Variants in ADGRG7 observed in about 807,000 individuals in gnomAD.
The protein encoded by ADGRG7 is G-protein coupled receptor 128.
A neutral mutation model predicts 88.6 loss-of-function variants in ADGRG7; 82 were observed. The observed-to-expected ratio is 0.93, with a 90% CI of 0.77 to 1.11. The LOEUF is 1.11. Ranked by LOEUF, ADGRG7 falls within the 50% of genes most tolerant of loss-of-function variation. The pLI is 0.00. For missense variants in ADGRG7, 945 were observed against 953.4 expected (o/e 0.99, Z 0.12); for synonymous variants, 381 against 345.2 (o/e 1.10, Z -1.15).
chr3:100,644,036 A>G (rs1489287751), intron 8 of ADGRG7, among the ~76,000 whole-genome samples: 1 of 152,168 alleles, frequency 6.6e-6, no homozygotes, highest in African/African-American at 2.4e-5. Flanking sequence ...AACCCTGGAG[A>G]AGTCTATGTA....
chr3:100,611,517 G>T (rs1707155025), intron 1 of ADGRG7, among the ~76,000 whole-genome samples: 1 of 152,084 alleles, frequency 6.6e-6, no homozygotes, highest in Admixed American at 6.5e-5. Flanking sequence ...GGCTTGGGGG[G>T]AGTTGCTGAA....
rs370196063 is a variant in ADGRG7 at position 100,670,406 on chromosome 3, G to A, written c.2136+1301G>A. ...TGTACTGCATTATCTTTATCCATTC[G>A]TCTGTTGATGGATACTTACTTTGCT... is the stretch of plus-strand genomic sequence containing the variant. On this transcript the variant is annotated intron_variant, in intron 15 of 15. Transcript: ENST00000273352. Among the ~76,000 whole-genome samples, 15 of 152,076 alleles carry A rather than the reference G, an allele frequency of 9.9e-5. 1 individual carries two copies. In the South Asian group the frequency reaches 1.0e-3, roughly 11 times the overall value.
Position 100,656,007 on chromosome 3 carries a change from T to C in ADGRG7, c.1823+12T>C. On this transcript the variant is annotated intron_variant, in intron 13 of 15. Coordinates refer to ENST00000273352, the MANE Select transcript of ADGRG7 (RefSeq NM_032787.3). ...CGGCAAGAGAAAATGTGAGTTTATATTTTTTTAAATGTCCAATTGTTTGAC... is the reference window on the plus strand; with the variant it reads ...CGGCAAGAGAAAATGTGAGTTTATACTTTTTTAAATGTCCAATTGTTTGAC... 1 of 1,510,126 alleles carries C rather than the reference T, an allele frequency of 6.6e-7. No individual in the cohort carries two copies. 93.5% of individuals were successfully genotyped at this position (1,510,126 alleles called of 1,614,324 possible).
At chr3:100,629,547 A>C (rs575870260) in intron 1 of ADGRG7, 51 bp from the exon 2 acceptor site, 30 of 1,287,282 alleles carry the variant, frequency 2.3e-5, no homozygotes, top group Middle Eastern at 1.8e-4. Flanking sequence ...GCATGAAAGG[A>C]GAAATGAATC....
intron 15 of ADGRG7, among the ~76,000 whole-genome samples, chr3:100,682,525 G>A (rs1202836035): frequency 6.6e-6 from 1 of 152,210 alleles, no homozygotes; most frequent in Non-Finnish European, 1.5e-5. Context: ...TCCACATCAA[G>A]GTGACCGCCG....
At chr3:100,621,983 C>A (rs9821668) in intron 1 of ADGRG7, among the ~76,000 whole-genome samples, 17 of 152,286 alleles carry the variant, frequency 1.1e-4, no homozygotes, top group Admixed American at 1.0e-3. Context: ...ACTCTCATAA[C>A]GAGCGTGCAA....
At chr3:100,629,367 G>A (rs1003418138) in intron 1 of ADGRG7, among the ~76,000 whole-genome samples, 2 of 151,390 alleles carry the variant, frequency 1.3e-5, no homozygotes, top group African/African-American at 4.9e-5. Flanking sequence ...CTTGGTCAAA[G>A]TATTATGTCT....
chr3:100,663,630 T>C (rs2094948297), intron 14 of ADGRG7, among the ~76,000 whole-genome samples: 1 of 151,936 alleles, frequency 6.6e-6, no homozygotes, highest in South Asian at 2.1e-4. Context: ...CATCTTTACT[T>C]CTCACAGAAA....
chr3:100,665,196 C>A, intron 14 of ADGRG7: 1 of 539,838 alleles, frequency 1.9e-6, no homozygotes, highest in Non-Finnish European at 3.8e-6. Flanking sequence ...GGCTTACATC[C>A]AACAGGACTG....
At chr3:100,664,964 G>A (rs2094949983) in intron 14 of ADGRG7, 3 of 358,408 alleles carry the variant, frequency 8.4e-6, no homozygotes, top group Non-Finnish European at 1.7e-5. Flanking sequence ...AAGTAACAAT[G>A]CATTTTTAGA....
intron 5 of ADGRG7, among the ~76,000 whole-genome samples, chr3:100,636,767 G>A (rs1707550056): frequency 6.6e-6 from 1 of 152,134 alleles, no homozygotes; most frequent in Non-Finnish European, 1.5e-5. Context: ...TTAACAAGTA[G>A]GCAGAAGGGC....
intron 15 of ADGRG7, among the ~76,000 whole-genome samples, chr3:100,679,254 G>A (rs2094969684): frequency 6.6e-6 from 1 of 152,116 alleles, no homozygotes. Context: ...ACCACTTCAG[G>A]CCTGTGACAA....
At chr3:100,689,980 G>T (rs563253110) in intron 15 of ADGRG7, among the ~76,000 whole-genome samples, 5 of 152,116 alleles carry the variant, frequency 3.3e-5, no homozygotes, top group African/African-American at 4.8e-5. Context: ...TTTCCAACTT[G>T]GTTCCTTTCT....
chr3:100,691,941 TG>T (rs1234057942), intron 15 of ADGRG7, among the ~76,000 whole-genome samples: 11 of 152,202 alleles, frequency 7.2e-5, no homozygotes, highest in Admixed American at 6.5e-4. Flanking sequence ...ATAACATCTT[TG>T]TTCAATATCA....
intron 15 of ADGRG7, among the ~76,000 whole-genome samples, chr3:100,669,465 C>A (rs2094955679): frequency 7.6e-6 from 1 of 131,130 alleles, no homozygotes; most frequent in African/African-American, 3.0e-5. Context: ...ACCCGGGAGG[C>A]GGAGCTTGCA....
chr3:100,695,236 G>A lies in ADGRG7; in HGVS notation c.*235G>A, dbSNP rs2095000436. On this transcript the variant is annotated 3_prime_UTR_variant, in exon 16 of 16. Transcript: ENST00000273352. ...GAAGAATTTCACACAACATACAAGA[G>A]TACCATTGTTCCTTATATCGTTAAA... 2 of 471,740 alleles carry A rather than the reference G, an allele frequency of 4.2e-6. No homozygotes were observed. Among genetic ancestry groups the A allele is most frequent in the South Asian group, 3.2e-5 (1 of 31,120 alleles). 29.2% of individuals were successfully genotyped at this position (471,740 alleles called of 1,614,324 possible). A position where few individuals can be genotyped will look rare whatever the true frequency, so the allele number is the denominator to read the frequency against.
At position 100,643,785 on chromosome 3, in the gene ADGRG7, TCTCAA is replaced by T. The variant is rs1707689050; in HGVS notation, c.946+156_946+160del. On this transcript the variant is annotated intron_variant, in intron 8 of 15. Coordinates refer to ENST00000273352, the MANE Select transcript of ADGRG7 (RefSeq NM_032787.3). ...TTTGAGCTCTGACATATTATGGTAATCTCAACTCTACTATTCTAAGTCAAAAAGAT... is the reference window on the plus strand; with the variant it reads ...TTTGAGCTCTGACATATTATGGTAATCTCTACTATTCTAAGTCAAAAAGAT... The T allele has an allele frequency of 1.9e-5, 11 of 589,396 alleles. No individual in the cohort carries two copies. The East Asian group carries it at 2.6e-4, about 14-fold the overall frequency. The allele number at this position is 589,396 out of a possible 1,614,324, so 36.5% of individuals were successfully genotyped here. A position where few individuals can be genotyped will look rare whatever the true frequency, so the allele number is the denominator to read the frequency against.
rs755411388 is a variant in ADGRG7, at chr3:100,609,850, C to T, written c.-7C>T. On this transcript the variant is annotated 5_prime_UTR_variant, in exon 1 of 16. Transcript: ENST00000273352. ...ACCCAGGAGTGGATTTGTGGTTTGG[C>T]TTCACCATGGCTTCCTGCCGTGCCT... 2 of 1,610,732 alleles carry T rather than the reference C, an allele frequency of 1.2e-6. No homozygotes were observed. The highest frequency in any genetic ancestry group is 2.2e-5 in the East Asian group (1 of 44,834).
chr3:100,617,524 C>T (rs1225578505), intron 1 of ADGRG7, among the ~76,000 whole-genome samples: 1 of 152,130 alleles, frequency 6.6e-6, no homozygotes, highest in Admixed American at 6.5e-5. Context: ...CCAGCTTCAT[C>T]CATGTCCCTA....
Sources: allele counts gnomAD v4.1 joint callset (sites outside exome capture counted in the v4.1 genomes callset), GRCh38; gene constraint gnomAD v4.1.1; transcripts MANE v1.5; gene names NCBI Gene and HGNC (gene_info 2026-07-23, HGNC 2026-07-21).